PHF14: variants seen among roughly 807,000 people sequenced by gnomAD.
PHF14 encodes PHD finger protein 14.
Under a neutral mutation model 117.9 loss-of-function variants are expected in PHF14, and 55 were observed. That is an observed-to-expected ratio of 0.47 (90% CI 0.38 to 0.58). The LOEUF (loss-of-function observed/expected upper bound fraction) is 0.58, where lower values mean the gene tolerates loss of function less well. Ranked by LOEUF, PHF14 falls within the 20% of genes least tolerant of loss-of-function variation. PHF14 has a pLI of 0.00. For missense variants in PHF14, 978 were observed against 1,122.2 expected (o/e 0.87, Z 1.84); for synonymous variants, 409 against 368.6 (o/e 1.11, Z -1.26).
intron 2 of PHF14, among the ~76,000 whole-genome samples, chr7:10,975,231 A>G (rs921801915): frequency 6.0e-4 from 91 of 152,252 alleles, no homozygotes; most frequent in African/African-American, 2.1e-3. Context: ...CTTATATTAT[A>G]GAGGAAAAAA....
intron 16 of PHF14, among the ~76,000 whole-genome samples, chr7:11,094,234 G>A (rs1238213331): frequency 6.6e-6 from 1 of 152,176 alleles, no homozygotes; most frequent in Non-Finnish European, 1.5e-5. Flanking sequence ...AAATTTGGTA[G>A]CTTAAAACAA....
chr7:10,980,513 G>A (rs1782014331), intron 2 of PHF14, among the ~76,000 whole-genome samples: 1 of 152,038 alleles, frequency 6.6e-6, no homozygotes, highest in Non-Finnish European at 1.5e-5. Flanking sequence ...GCTGTGAGTG[G>A]TTTACAAAAT....
chr7:11,065,880 G>C (rs1221670854), intron 16 of PHF14, among the ~76,000 whole-genome samples: 1 of 152,130 alleles, frequency 6.6e-6, no homozygotes, highest in Admixed American at 6.5e-5. Context: ...AAGAACCCTG[G>C]AATCCATGAG....
intron 4 of PHF14, among the ~76,000 whole-genome samples, chr7:10,992,667 TAAAC>T (rs946379359): frequency 4.6e-5 from 7 of 151,950 alleles, no homozygotes; most frequent in African/African-American, 9.7e-5. Flanking sequence ...TCTCAAAATT[TAAAC>T]AAACAAACAA....
At chr7:11,078,537 A>G (rs772748418) in intron 16 of PHF14, among the ~76,000 whole-genome samples, 3 of 152,146 alleles carry the variant, frequency 2.0e-5, no homozygotes, top group Non-Finnish European at 4.4e-5. Flanking sequence ...AATCCCTTTT[A>G]ATTTTCAAAT....
At chr7:11,026,971 A>G (rs985668721) in intron 6 of PHF14, among the ~76,000 whole-genome samples, 2 of 152,126 alleles carry the variant, frequency 1.3e-5, no homozygotes, top group Non-Finnish European at 2.9e-5. Context: ...TCATTTTCCA[A>G]TCTGAATTAT....
At chr7:11,055,340 C>CTT (rs1390066889) in intron 14 of PHF14, among the ~76,000 whole-genome samples, 6 of 152,182 alleles carry the variant, frequency 3.9e-5, no homozygotes, top group Non-Finnish European at 8.8e-5. Context: ...TCTTTGCACT[C>CTT]TAAGTCATGT....
At chr7:11,164,907 T>G (rs1033200810) in intron 17 of PHF14, among the ~76,000 whole-genome samples, 4 of 152,194 alleles carry the variant, frequency 2.6e-5, no homozygotes, top group Admixed American at 2.6e-4. Context: ...TAGTTCCAAG[T>G]CTTGTCATTC....
intron 4 of PHF14, among the ~76,000 whole-genome samples, chr7:11,002,690 C>T (rs752454425): frequency 3.3e-5 from 5 of 152,088 alleles, no homozygotes; most frequent in African/African-American, 4.8e-5. Flanking sequence ...GTGATCCACT[C>T]GCCTCTGCCT....
chr7:11,094,351 C>T (rs1583460289), intron 16 of PHF14, among the ~76,000 whole-genome samples: 2 of 152,124 alleles, frequency 1.3e-5, no homozygotes, highest in South Asian at 4.1e-4. Context: ...GGGTAGAACC[C>T]ATTTTCTTGC....
At chr7:10,996,222 GA>G (rs1782641649) in intron 4 of PHF14, among the ~76,000 whole-genome samples, 1 of 152,214 alleles carries the variant, frequency 6.6e-6, no homozygotes, top group Non-Finnish European at 1.5e-5. Flanking sequence ...GGGAAACTAG[GA>G]AAATATTTAG....
At chr7:11,105,618 A>C in intron 16 of PHF14, 2 of 984,642 alleles carry the variant, frequency 2.0e-6, no homozygotes, top group Non-Finnish European at 2.4e-6. Flanking sequence ...CATTTTTTCT[A>C]CCTGTCTGAA....
At chr7:11,100,582 T>C (rs757344664) in intron 16 of PHF14, among the ~76,000 whole-genome samples, 2 of 151,990 alleles carry the variant, frequency 1.3e-5, no homozygotes, top group African/African-American at 2.4e-5. Flanking sequence ...TATGATAAAA[T>C]CTACTGACCT....
chr7:11,106,967 T>A, intron 16 of PHF14: 1 of 983,812 alleles, frequency 1.0e-6, no homozygotes, highest in Middle Eastern at 5.2e-4. Flanking sequence ...ATCATAAAAA[T>A]GTACATCCTT....
chr7:11,156,834 TAA>T (rs1788873315), intron 17 of PHF14, among the ~76,000 whole-genome samples: 1 of 152,074 alleles, frequency 6.6e-6, no homozygotes, highest in African/African-American at 2.4e-5. Context: ...TTTCTACACT[TAA>T]GTTTATTTCC....
intron 17 of PHF14, among the ~76,000 whole-genome samples, chr7:11,140,877 A>G (rs183535676): frequency 1.3e-5 from 2 of 152,116 alleles, no homozygotes; most frequent in African/African-American, 2.4e-5. Flanking sequence ...AGCGTCTTTG[A>G]TATATGGTCA....
intron 3 of PHF14, among the ~76,000 whole-genome samples, chr7:10,987,294 T>G (rs965985778): frequency 6.6e-6 from 1 of 152,134 alleles, no homozygotes; most frequent in African/African-American, 2.4e-5. Flanking sequence ...AATTTTTTCT[T>G]ATCTTCAGGG....
chr7:11,069,827 A>G (rs570876697), intron 16 of PHF14, among the ~76,000 whole-genome samples: 205 of 151,098 alleles, frequency 1.4e-3, no homozygotes, highest in Middle Eastern at 3.4e-3. Context: ...CCACCACACC[A>G]CCATGCCCAG....
intron 16 of PHF14, among the ~76,000 whole-genome samples, chr7:11,072,448 T>C (rs1399881364): frequency 6.6e-6 from 1 of 152,162 alleles, no homozygotes; most frequent in East Asian, 1.9e-4. Context: ...TATATCAAGG[T>C]TTTAAACCTT....
Sources: gnomAD v4.1 joint callset for allele counts (sites outside exome capture counted in the v4.1 genomes callset) on GRCh38, gnomAD v4.1.1 for gene constraint, MANE v1.5 for transcripts, NCBI Gene and HGNC (gene_info 2026-07-23, HGNC 2026-07-21) for gene names.